Variants in FHIT observed in about 807,000 individuals in gnomAD.
The protein encoded by FHIT is bis(5'-adenosyl)-triphosphatase.
In FHIT, 19 loss-of-function variants were observed where a neutral mutation model predicts 17.9. That is an observed-to-expected ratio of 1.06 (90% CI 0.74 to 1.56). The LOEUF (loss-of-function observed/expected upper bound fraction) is 1.56, where lower values mean the gene tolerates loss of function less well. Ranked by LOEUF, FHIT falls within the 40% of genes most tolerant of loss-of-function variation. The pLI is 0.00. For synonymous variants in FHIT, 81 were observed against 69.7 expected (o/e 1.16, Z -0.81); for missense variants, 248 against 189.2 (o/e 1.31, Z -1.82).
intron 5 of FHIT, among the ~76,000 whole-genome samples, chr3:60,470,489 C>A (rs183568078): frequency 6.6e-6 from 1 of 152,124 alleles, no homozygotes; most frequent in Non-Finnish European, 1.5e-5. Flanking sequence ...CTGACCACCA[C>A]TGCTCCGGGC....
At chr3:60,426,810 A>G (rs1702685337) in intron 5 of FHIT, among the ~76,000 whole-genome samples, 1 of 152,058 alleles carries the variant, frequency 6.6e-6, no homozygotes, top group Admixed American at 6.6e-5. Flanking sequence ...TGTTCAATTA[A>G]ATTGCTTTAC....
chr3:59,907,072 C>G (rs569512629), intron 8 of FHIT, among the ~76,000 whole-genome samples: 59 of 152,184 alleles, frequency 3.9e-4, no homozygotes, highest in Non-Finnish European at 7.5e-4. Context: ...TGATGAATAC[C>G]TCTCAGTTTG....
intron 2 of FHIT, among the ~76,000 whole-genome samples, chr3:61,168,580 T>C (rs1880213): frequency 0.46 from 70,476 of 151,998 alleles, 17,174 homozygotes; most frequent in East Asian, 0.85. Context: ...AGCAATGCTG[T>C]GTTCCCACCA....
intron 5 of FHIT, among the ~76,000 whole-genome samples, chr3:60,200,053 C>T (rs1042444527): frequency 1.3e-5 from 2 of 152,150 alleles, no homozygotes; most frequent in Admixed American, 1.3e-4. Context: ...AGAGGGTGAT[C>T]AAGAAAGTGA....
At chr3:60,981,773 TA>T (rs1178102678) in intron 3 of FHIT, among the ~76,000 whole-genome samples, 2 of 27,872 alleles carry the variant, frequency 7.2e-5, no homozygotes, top group East Asian at 0.011. Flanking sequence ...CATGTCTGGC[TA>T]TTTTTTTTTT....
chr3:60,316,210 A>G (rs548041442), intron 5 of FHIT, among the ~76,000 whole-genome samples: 2 of 152,324 alleles, frequency 1.3e-5, no homozygotes, highest in Admixed American at 1.3e-4. Flanking sequence ...TAGAAACTTG[A>G]CAGTGGGGAT....
intron 5 of FHIT, among the ~76,000 whole-genome samples, chr3:60,240,491 T>C (rs1160027364): frequency 6.6e-6 from 1 of 152,144 alleles, no homozygotes; most frequent in African/African-American, 2.4e-5. Context: ...TTAATTTCAA[T>C]AGGAATGTGT....
intron 3 of FHIT, among the ~76,000 whole-genome samples, chr3:60,908,594 A>G (rs1372691694): frequency 6.6e-6 from 1 of 152,088 alleles, no homozygotes; most frequent in East Asian, 1.9e-4. Context: ...GAGAAGAGAG[A>G]CTGAAACAGA....
intron 5 of FHIT, among the ~76,000 whole-genome samples, chr3:60,265,278 A>T (rs1706513693): frequency 6.6e-6 from 1 of 151,918 alleles, no homozygotes; most frequent in Admixed American, 6.6e-5. Flanking sequence ...AGCAAGCAGG[A>T]AATGTATTTG....
At chr3:61,249,281 T>G (rs1304060467) in intron 1 of FHIT, among the ~76,000 whole-genome samples, 1 of 152,218 alleles carries the variant, frequency 6.6e-6, no homozygotes, top group Non-Finnish European at 1.5e-5. Flanking sequence ...CAAACTGCTT[T>G]ACCACCTGGG....
chr3:60,878,622 T>C (rs752743557), intron 3 of FHIT, among the ~76,000 whole-genome samples: 53 of 152,236 alleles, frequency 3.5e-4, no homozygotes, highest in Non-Finnish European at 6.2e-4. Flanking sequence ...GTATATCTCC[T>C]AATGCTATCC....
At chr3:60,348,504 G>C (rs915206226) in intron 5 of FHIT, among the ~76,000 whole-genome samples, 39 of 151,898 alleles carry the variant, frequency 2.6e-4, no homozygotes, top group African/African-American at 9.4e-4. Context: ...AAGGAATAGA[G>C]ATTGCCATTT....
intron 8 of FHIT, among the ~76,000 whole-genome samples, chr3:59,878,258 T>G (rs1412902735): frequency 1.3e-5 from 2 of 152,146 alleles, no homozygotes; most frequent in Non-Finnish European, 2.9e-5. Flanking sequence ...CAGAAGCATT[T>G]AAAAACCAAC....
At chr3:60,153,395 G>A (rs534228009) in intron 5 of FHIT, among the ~76,000 whole-genome samples, 1 of 151,402 alleles carries the variant, frequency 6.6e-6, no homozygotes, top group Non-Finnish European at 1.5e-5. Context: ...AAGAGGAGGT[G>A]GGGGAGAAAG....
At chr3:61,150,467 A>C (rs2037354665) in intron 2 of FHIT, among the ~76,000 whole-genome samples, 1 of 152,054 alleles carries the variant, frequency 6.6e-6, no homozygotes, top group South Asian at 2.1e-4. Context: ...CACCATGCCC[A>C]GCCATTTAAC....
At chr3:60,378,101 A>C (rs916916821) in intron 5 of FHIT, among the ~76,000 whole-genome samples, 1 of 151,848 alleles carries the variant, frequency 6.6e-6, no homozygotes, top group Non-Finnish European at 1.5e-5. Flanking sequence ...ATCACGGCTC[A>C]CTGCGAGCTC....
At chr3:60,790,504 T>C (rs1030554938) in intron 4 of FHIT, among the ~76,000 whole-genome samples, 6 of 152,172 alleles carry the variant, frequency 3.9e-5, no homozygotes, top group South Asian at 2.1e-4. Context: ...AGGATCATGA[T>C]TGTAATTTGA....
At chr3:60,298,546 CT>C (rs1454651259) in intron 5 of FHIT, among the ~76,000 whole-genome samples, 9 of 152,158 alleles carry the variant, frequency 5.9e-5, no homozygotes, top group African/African-American at 2.2e-4. Flanking sequence ...CCATCTTTGA[CT>C]TTTTCCCAAC....
chr3:60,102,261 G>T (rs1032199642), intron 5 of FHIT, among the ~76,000 whole-genome samples: 4 of 152,216 alleles, frequency 2.6e-5, no homozygotes, highest in Non-Finnish European at 4.4e-5. Context: ...GGCCGCCAAT[G>T]TTGGCAGCAG....
Sources: allele counts gnomAD v4.1 joint callset (sites outside exome capture counted in the v4.1 genomes callset), GRCh38; gene constraint gnomAD v4.1.1; transcripts MANE v1.5; gene names NCBI Gene and HGNC (gene_info 2026-07-23, HGNC 2026-07-21).